STARD13: variants seen among roughly 807,000 people sequenced by gnomAD.
STARD13 encodes StAR related lipid transfer domain containing 13.
Under a neutral mutation model 106.4 loss-of-function variants are expected in STARD13, and 62 were observed. The observed-to-expected ratio is 0.58, with a 90% CI of 0.48 to 0.72. The LOEUF is 0.72. Among genes scored for constraint, STARD13 ranks in the 30% least tolerant of loss-of-function variants. The pLI is 0.00. For synonymous variants in STARD13, 565 were observed against 553.0 expected (o/e 1.02, Z -0.31); for missense variants, 1,387 against 1,424.0 (o/e 0.97, Z 0.42).
chr13:33,183,604 C>A (rs1363271618), intron 1 of STARD13, among the ~76,000 whole-genome samples: 1 of 152,134 alleles, frequency 6.6e-6, no homozygotes, highest in Non-Finnish European at 1.5e-5. Context: ...CAGCCTTAAT[C>A]AATAACAAGA....
the STARD13 span, among the ~76,000 whole-genome samples, chr13:33,666,337 A>G: frequency 6.6e-6 from 1 of 152,152 alleles, no homozygotes; most frequent in Non-Finnish European, 1.5e-5. Flanking sequence ...TCTGTCCCCT[A>G]GGCTGGAGTG....
At position 33,250,924 on chromosome 13, in the gene STARD13, G is replaced by A. The variant is rs1052506551; in HGVS notation, c.169+34546C>T. ...ACTGGATCCTGGCATTTATCATAGG[G>A]CATGGCATGGTGTAGAAGCTCACTA... On this transcript the variant is annotated intron_variant, in intron 1 of 13. Transcript: ENST00000336934. Among the ~76,000 whole-genome samples, 3 of 152,288 alleles carry A rather than the reference G, an allele frequency of 2.0e-5. No individual in the cohort carries two copies. In the South Asian group the frequency reaches 6.2e-4, roughly 32 times the overall value.
intron 1 of STARD13, among the ~76,000 whole-genome samples, chr13:33,262,251 T>C (rs1388123136): frequency 6.6e-6 from 1 of 152,110 alleles, no homozygotes; most frequent in Non-Finnish European, 1.5e-5. Context: ...TGACTCACAG[T>C]GAGACATTCT....
chr13:33,471,264 C>T, the STARD13 span, among the ~76,000 whole-genome samples: 1 of 152,118 alleles, frequency 6.6e-6, no homozygotes, highest in South Asian at 2.1e-4. Flanking sequence ...TGAAATTGCC[C>T]TAGCCATGTA....
intron 1 of STARD13, among the ~76,000 whole-genome samples, chr13:33,226,524 T>C (rs1231673584): frequency 6.8e-6 from 1 of 148,020 alleles, no homozygotes; most frequent in African/African-American, 2.5e-5. Flanking sequence ...AACCTCCACC[T>C]CCTGAGTTCA....
chr13:33,336,654 G>A (rs568412744), intron 1 of STARD13: 5 of 151,742 alleles, frequency 3.3e-5, no homozygotes, highest in African/African-American at 1.2e-4. Flanking sequence ...TACTCAGGAG[G>A]CTGAAGTGGG....
chr13:33,497,934 C>T, the STARD13 span, among the ~76,000 whole-genome samples: 1 of 152,162 alleles, frequency 6.6e-6, no homozygotes, highest in Non-Finnish European at 1.5e-5. Context: ...TTGATAAATA[C>T]AGACATGCAA....
At chr13:33,590,530 T>TG in the STARD13 span, among the ~76,000 whole-genome samples, 10 of 151,564 alleles carry the variant, frequency 6.6e-5, no homozygotes, top group Non-Finnish European at 1.5e-4. Context: ...TAAAAAAGGA[T>TG]GAGTTCATGT....
intron 1 of STARD13, among the ~76,000 whole-genome samples, chr13:33,177,647 T>C (rs1045759755): frequency 3.3e-5 from 5 of 151,514 alleles, no homozygotes; most frequent in Admixed American, 2.0e-4. Context: ...ATCAAATAAA[T>C]GATTTCAATT....
chr13:33,398,480 A>G, the STARD13 span, among the ~76,000 whole-genome samples: 1 of 152,238 alleles, frequency 6.6e-6, no homozygotes, highest in Non-Finnish European at 1.5e-5. Flanking sequence ...AAATGGAATT[A>G]TTCTATTCTT....
At chr13:33,206,081 AAG>A in intron 1 of STARD13, 1 of 924,792 alleles carries the variant, frequency 1.1e-6, no homozygotes, top group Non-Finnish European at 1.3e-6. Context: ...CTCCAGCTCT[AAG>A]AGAAAAAAAC....
At chr13:33,328,401 C>T (rs1221211690) in intron 1 of STARD13, among the ~76,000 whole-genome samples, 2 of 152,290 alleles carry the variant, frequency 1.3e-5, no homozygotes, top group East Asian at 3.9e-4. Flanking sequence ...ACCCTATGGG[C>T]CACTAGAATG....
At chr13:33,420,784 C>A in the STARD13 span, among the ~76,000 whole-genome samples, 1 of 152,186 alleles carries the variant, frequency 6.6e-6, no homozygotes, top group Non-Finnish European at 1.5e-5. Flanking sequence ...TAAATTAGAA[C>A]TCAGGATTAA....
the STARD13 span, among the ~76,000 whole-genome samples, chr13:33,360,627 T>G: frequency 5.8e-5 from 1 of 17,124 alleles, no homozygotes; most frequent in Non-Finnish European, 1.3e-4. Context: ...TATTATTTAA[T>G]ATACATTTTC....
chr13:33,165,062 T>C (rs981060713), intron 3 of STARD13, among the ~76,000 whole-genome samples: 1 of 152,094 alleles, frequency 6.6e-6, no homozygotes, highest in Non-Finnish European at 1.5e-5. Flanking sequence ...ACTTTCCCCC[T>C]CCTTCTTTCT....
chr13:33,671,830 G>T, the STARD13 span, among the ~76,000 whole-genome samples: 2 of 152,244 alleles, frequency 1.3e-5, no homozygotes, highest in South Asian at 4.2e-4. Context: ...CACAATTATA[G>T]TCACAATTAT....
chr13:33,408,528 C>T, the STARD13 span, among the ~76,000 whole-genome samples: 1 of 152,084 alleles, frequency 6.6e-6, no homozygotes, highest in Non-Finnish European at 1.5e-5. Context: ...TTTGTATACA[C>T]CACATTTTCC....
At chr13:33,502,814 A>G in the STARD13 span, among the ~76,000 whole-genome samples, 2 of 152,292 alleles carry the variant, frequency 1.3e-5, no homozygotes, top group East Asian at 3.9e-4. Flanking sequence ...TTTTGCTTCA[A>G]TGTTCATCAG....
chr13:33,326,090 C>G (rs1245201587), intron 1 of STARD13, among the ~76,000 whole-genome samples: 1 of 151,764 alleles, frequency 6.6e-6, no homozygotes, highest in East Asian at 1.9e-4. Context: ...CTCCCTCTCT[C>G]TCTCCTCCAG....
Sources: allele counts gnomAD v4.1 joint callset (sites outside exome capture counted in the v4.1 genomes callset), GRCh38; gene constraint gnomAD v4.1.1; transcripts MANE v1.5; gene names NCBI Gene and HGNC (gene_info 2026-07-23, HGNC 2026-07-21).